TEX11: variants seen among roughly 807,000 people sequenced by gnomAD.
TEX11 encodes the protein testis-expressed protein 11.
TEX11 carries 7 observed loss-of-function variants against 84.4 expected under a neutral mutation model. That is an observed-to-expected ratio of 0.08 (90% CI 0.05 to 0.16). TEX11 has a LOEUF of 0.16. Ranked by LOEUF, TEX11 falls within the 10% of genes least tolerant of loss-of-function variation. The pLI is 1.00. For synonymous variants in TEX11, 264 were observed against 222.8 expected (o/e 1.18, Z -1.64); for missense variants, 551 against 660.5 (o/e 0.83, Z 1.82).
Position 70,905,191 on chromosome X carries a change from C to T in TEX11, c.37+2562G>A, listed in dbSNP as rs368211387. 3.1e-4 allele frequency among the ~76,000 whole-genome samples: 35 copies of T among 111,868 alleles called. No individual in the cohort carries two copies. The South Asian group carries it at 0.01, about 33-fold the overall frequency. ...ACAAAAAATTAGCCAGGCGTGGCGGCATGCACCTGTAGCCCCAGCTACGCG... is the reference window on the plus strand; with the variant it reads ...ACAAAAAATTAGCCAGGCGTGGCGGTATGCACCTGTAGCCCCAGCTACGCG... On this transcript the variant is annotated intron_variant, in intron 2 of 29. Transcript: ENST00000374333.
intron 7 of TEX11, among the ~76,000 whole-genome samples, chrX:70,840,240 T>A (rs1285281713): frequency 9.0e-6 from 1 of 111,481 alleles, no homozygotes; most frequent in African/African-American, 3.3e-5. Context: ...AAAGGTCGGG[T>A]TACCCACAAA....
chrX:70,900,751 C>T (rs1029249243), intron 2 of TEX11, among the ~76,000 whole-genome samples: 1 of 110,514 alleles, frequency 9.0e-6, no homozygotes, highest in African/African-American at 3.3e-5. Flanking sequence ...GCCAGGAGTT[C>T]GAGAGCAGCC....
At chrX:70,713,882 T>C (rs1400802868) in intron 13 of TEX11, among the ~76,000 whole-genome samples, 8 of 111,909 alleles carry the variant, frequency 7.1e-5, no homozygotes, top group East Asian at 2.8e-4. Flanking sequence ...AATTGTAATG[T>C]TAGGGTGTCA....
Position 70,829,182 on chromosome X carries a change from G to A in TEX11, c.606+4331C>T, listed in dbSNP as rs138469029. ...GAAGGTACAAAACTCATGGGTAATA[G>A]TAAGCACAAGGCTGGACAGCTGGAA... On this transcript the variant is annotated intron_variant, in intron 8 of 29. Coordinates refer to ENST00000374333, the MANE Select transcript of TEX11 (RefSeq NM_031276.3). Among the ~76,000 whole-genome samples, 827 of 111,823 alleles carry A rather than the reference G, an allele frequency of 7.4e-3. 7 individuals carry two copies. The highest frequency in any genetic ancestry group is 0.026 in the African/African-American group (794 of 30,770).
At chrX:70,842,194 A>G (rs1231879973) in intron 7 of TEX11, among the ~76,000 whole-genome samples, 1 of 111,476 alleles carries the variant, frequency 9.0e-6, no homozygotes, top group Non-Finnish European at 1.9e-5. Flanking sequence ...AGAATTTTAG[A>G]CCAATATCCT....
At chrX:70,604,850 C>T (rs746448318) in intron 24 of TEX11, among the ~76,000 whole-genome samples, 7 of 111,352 alleles carry the variant, frequency 6.3e-5, no homozygotes, top group East Asian at 2.8e-4. Flanking sequence ...GTATGGGAGA[C>T]GGTGATATTG....
intron 25 of TEX11, among the ~76,000 whole-genome samples, chrX:70,561,388 CTTTTTTTT>C (rs34112390): frequency 1.3e-5 from 1 of 78,952 alleles, no homozygotes; most frequent in South Asian, 6.9e-4. Context: ...TATCAATTTA[CTTTTTTTT>C]TTTTTTTTTT....
At position 70,671,880 on chromosome X, in the gene TEX11, GAT is replaced by G. The variant is rs67645855; in HGVS notation, c.1243-1368_1243-1367del. Among the ~76,000 whole-genome samples, 172 of 66,330 alleles carry G rather than the reference GAT, an allele frequency of 2.6e-3. 3 individuals carry two copies. The highest frequency in any genetic ancestry group is 8.5e-3 in the South Asian group (7 of 828). 57.6% of individuals were successfully genotyped at this position (66,330 alleles called of 115,157 possible). A position where few individuals can be genotyped will look rare whatever the true frequency, so the allele number is the denominator to read the frequency against. On this transcript the variant is annotated intron_variant, in intron 15 of 29. Transcript: ENST00000374333. ...AATATTTAAACTGTACAATTGTTTT[GAT>G]ATATATATATATATATATATATATA...
At chrX:70,546,292 T>A (rs1215640606) in intron 28 of TEX11, among the ~76,000 whole-genome samples, 3 of 111,879 alleles carry the variant, frequency 2.7e-5, no homozygotes, top group Non-Finnish European at 5.6e-5. Context: ...AGTATAAAAC[T>A]TCTACAGAAA....
chrX:70,761,529 A>G (rs2090909262), intron 9 of TEX11, among the ~76,000 whole-genome samples: 1 of 111,792 alleles, frequency 8.9e-6, no homozygotes, highest in Admixed American at 9.5e-5. Context: ...CAAACACCGC[A>G]TGTTCTCACT....
intron 2 of TEX11, among the ~76,000 whole-genome samples, chrX:70,888,385 TTTAAA>T (rs1196425786): frequency 8.9e-5 from 10 of 112,505 alleles, no homozygotes; most frequent in Non-Finnish European, 1.3e-4. Flanking sequence ...ATTGAAATAC[TTTAAA>T]TTAATCAAAC....
intron 2 of TEX11, among the ~76,000 whole-genome samples, chrX:70,906,690 G>A (rs2091835943): frequency 9.0e-6 from 1 of 111,122 alleles, no homozygotes; most frequent in African/African-American, 3.3e-5. Context: ...GGGAGGCTGA[G>A]GCAGAAGAAT....
intron 9 of TEX11, among the ~76,000 whole-genome samples, chrX:70,763,923 G>T (rs1022143706): frequency 8.9e-6 from 1 of 112,091 alleles, no homozygotes; most frequent in Non-Finnish European, 1.9e-5. Flanking sequence ...GCATTGGACA[G>T]ATCTTCCAGA....
At chrX:70,600,148 T>G (rs760322016) in intron 24 of TEX11, among the ~76,000 whole-genome samples, 3 of 111,418 alleles carry the variant, frequency 2.7e-5, no homozygotes, top group Non-Finnish European at 5.7e-5. Context: ...AGTGTAAAAG[T>G]GTTCCTATTT....
intron 13 of TEX11, among the ~76,000 whole-genome samples, chrX:70,710,079 T>C (rs553772507): frequency 9.0e-6 from 1 of 110,917 alleles, no homozygotes; most frequent in Middle Eastern, 4.6e-3. Context: ...AGTATTCTTG[T>C]CACTGGAATA....
intron 28 of TEX11, among the ~76,000 whole-genome samples, chrX:70,543,406 A>G (rs2088074053): frequency 9.0e-6 from 1 of 110,975 alleles, no homozygotes; most frequent in South Asian, 3.8e-4. Context: ...AGTGGCAAAA[A>G]CAAAATGCAC....
At chrX:70,667,667 C>A (rs1459008240) in intron 16 of TEX11, among the ~76,000 whole-genome samples, 1 of 111,945 alleles carries the variant, frequency 8.9e-6, no homozygotes, top group Non-Finnish European at 1.9e-5. Context: ...GTGGCTCACG[C>A]CTGTAATCCC....
intron 7 of TEX11, among the ~76,000 whole-genome samples, chrX:70,846,697 G>T (rs747579257): frequency 5.7e-4 from 64 of 111,959 alleles, no homozygotes; most frequent in African/African-American, 2.1e-3. Flanking sequence ...GCCAAGGTGG[G>T]TGGATTGCTT....
chrX:70,871,614 C>T (rs1234134978), intron 4 of TEX11, among the ~76,000 whole-genome samples: 2 of 111,420 alleles, frequency 1.8e-5, no homozygotes, highest in Admixed American at 9.6e-5. Flanking sequence ...AGGCCTCCTG[C>T]GCTGATAATC....
Sources: gnomAD v4.1 joint callset for allele counts (sites outside exome capture counted in the v4.1 genomes callset) on GRCh38, gnomAD v4.1.1 for gene constraint, MANE v1.5 for transcripts, NCBI Gene and HGNC (gene_info 2026-07-23, HGNC 2026-07-21) for gene names.